Variants in PLEKHS1 observed in about 807,000 individuals in gnomAD.
PLEKHS1 encodes the protein pleckstrin homology domain-containing family S member 1.
Under a neutral mutation model 51.0 loss-of-function variants are expected in PLEKHS1, and 55 were observed. The ratio of observed to expected loss-of-function variants is 1.08; its 90% CI spans 0.87 to 1.35. The LOEUF (loss-of-function observed/expected upper bound fraction) is 1.35, where lower values mean the gene tolerates loss of function less well. PLEKHS1 is among the 40% of genes most tolerant of loss of function. PLEKHS1 has a pLI of 0.00. For synonymous variants in PLEKHS1, 153 were observed against 144.8 expected, an observed-to-expected ratio of 1.06 and a Z score of -0.41; for missense variants, 398 against 423.0, an observed-to-expected ratio of 0.94 and a Z score of 0.52.
exon 10 of PLEKHS1, chr10:113,774,958 C>T (rs1564826823): frequency 5.0e-6 from 8 of 1,614,038 alleles, no homozygotes; most frequent in Non-Finnish European, 6.8e-6. Flanking sequence ...TTTCCCCTGC[C>T]GATGTGGAAG....
chr10:113,774,328 A>G, exon 9 of PLEKHS1: 2 of 1,563,642 alleles, frequency 1.3e-6, no homozygotes, highest in Non-Finnish European at 1.7e-6. Context: ...AGCCAATGGA[A>G]TCCTAGTAAG....
chr10:113,773,224 G>T (rs905219990), intron 8 of PLEKHS1, among the ~76,000 whole-genome samples: 1 of 152,154 alleles, frequency 6.6e-6, no homozygotes, highest in Admixed American at 6.5e-5. Context: ...ACAACACATG[G>T]CATTTCCCAA....
intron 5 of PLEKHS1, 39 bp downstream of exon 5, chr10:113,767,518 C>A: frequency 1.3e-6 from 2 of 1,561,458 alleles, no homozygotes; most frequent in Admixed American, 2.0e-5. Context: ...CTACTGCATG[C>A]AAAACAAAAA....
intron 1 of PLEKHS1, among the ~76,000 whole-genome samples, chr10:113,753,965 G>A (rs149822622): frequency 0.013 from 1,967 of 151,908 alleles, 23 homozygotes; most frequent in Non-Finnish European, 0.016. Flanking sequence ...CCGCCACCAC[G>A]CTCGGCCAAT....
intron 7 of PLEKHS1, among the ~76,000 whole-genome samples, chr10:113,770,962 A>G (rs1344854503): frequency 6.6e-6 from 1 of 152,204 alleles, no homozygotes; most frequent in East Asian, 1.9e-4. Context: ...ATGAGCTTGG[A>G]ACTTAAAACA....
exon 12 of PLEKHS1, chr10:113,781,760 T>G (rs1363936543): frequency 8.8e-6 from 1 of 113,742 alleles, no homozygotes; most frequent in Non-Finnish European, 1.9e-5. Flanking sequence ...AACACCTCCT[T>G]CCCAACACCT....
At chr10:113,753,419 T>C (rs1161398054) in intron 1 of PLEKHS1, among the ~76,000 whole-genome samples, 1 of 152,198 alleles carries the variant, frequency 6.6e-6, no homozygotes, top group African/African-American at 2.4e-5. Flanking sequence ...TACGTTCTCT[T>C]TCTCACACAG....
chr10:113,756,975 G>A (rs1454861282), intron 2 of PLEKHS1, among the ~76,000 whole-genome samples: 1 of 140,794 alleles, frequency 7.1e-6, no homozygotes, highest in Non-Finnish European at 1.5e-5. Context: ...GGAGTGCAGT[G>A]GTGCGATCTC....
chr10:113,781,594 T>G (rs1212341161), exon 12 of PLEKHS1: 1 of 36,346 alleles, frequency 2.8e-5, no homozygotes, highest in Admixed American at 2.9e-4. Context: ...CCCAAACACC[T>G]CCTTCCCAAC....
downstream of PLEKHS1, chr10:113,782,944 T>TA (rs372626206): frequency 6.6e-6 from 1 of 152,082 alleles, no homozygotes; most frequent in African/African-American, 2.4e-5. Context: ...TTTGTAATAA[T>TA]AAAAAATCAG....
chr10:113,755,913 G>A (rs540572260), intron 2 of PLEKHS1, among the ~76,000 whole-genome samples: 1 of 152,348 alleles, frequency 6.6e-6, no homozygotes, highest in Admixed American at 6.5e-5. Flanking sequence ...AAAGACTGGA[G>A]AACATTTTCT....
Position 113,777,121 on chromosome 10 carries a change from C to T in PLEKHS1, c.1091+1255C>T, listed in dbSNP as rs1418885987. ...GGTATTGGATGTTGTATTCCCACTGCAGTGTGTCTCAGTGGGAAGGCCCCC... is the reference window on the plus strand; with the variant it reads ...GGTATTGGATGTTGTATTCCCACTGTAGTGTGTCTCAGTGGGAAGGCCCCC... On this transcript the variant is annotated intron_variant, in intron 11 of 11. Transcript: ENST00000361048. 1.2e-6 allele frequency: 2 copies of T among 1,612,252 alleles called. No homozygotes were observed. Among genetic ancestry groups the T allele is most frequent in the Admixed American group, 1.7e-5 (1 of 59,964 alleles).
intron 2 of PLEKHS1, among the ~76,000 whole-genome samples, chr10:113,764,457 A>C (rs1436644960): frequency 6.6e-6 from 1 of 152,070 alleles, no homozygotes; most frequent in East Asian, 1.9e-4. Flanking sequence ...AGAAATCAAT[A>C]TCTCTGTTTC....
At position 113,774,710 on chromosome 10, in the gene PLEKHS1, C is replaced by T. The variant is rs191758175; in HGVS notation, c.780-116C>T. On this transcript the variant is annotated intron_variant, in intron 9 of 11. Transcript: ENST00000361048. ...GCTGTGATTCTGATAGTTGGACATACGTCAAGACCTTGCTAGTCTTCACAT... is the reference window on the plus strand; with the variant it reads ...GCTGTGATTCTGATAGTTGGACATATGTCAAGACCTTGCTAGTCTTCACAT... 6.1e-4 allele frequency: 527 copies of T among 862,196 alleles called. 2 individuals are homozygous for T. The highest frequency in any genetic ancestry group is 1.7e-3 in the Middle Eastern group (5 of 2,862). The allele number at this position is 862,196 out of a possible 1,614,324, so 53.4% of individuals were successfully genotyped here. A position where few individuals can be genotyped will look rare whatever the true frequency, so the allele number is the denominator to read the frequency against.
At position 113,772,094 on chromosome 10, in the gene PLEKHS1, C is replaced by A. The variant is rs1382517602; in HGVS notation, c.672+5C>A. Reference sequence around the variant, plus strand: ...CCTCGAAGTGTTCTTTTAGAGGTAACCCCTTCTTGTCCATTCATCATTTGT... The same window carrying A: ...CCTCGAAGTGTTCTTTTAGAGGTAAACCCTTCTTGTCCATTCATCATTTGT... On this transcript the variant is annotated splice_donor_5th_base_variant and intron_variant, in intron 8 of 11. Coordinates refer to ENST00000361048, the Ensembl canonical transcript of PLEKHS1. 7.4e-6 allele frequency: 12 copies of A among 1,610,842 alleles called. No individual in the cohort carries two copies. The highest frequency in any genetic ancestry group is 1.7e-5 in the Admixed American group (1 of 58,946).
exon 4 of PLEKHS1, chr10:113,766,655 A>G: frequency 6.2e-7 from 1 of 1,613,108 alleles, no homozygotes; most frequent in African/African-American, 1.3e-5. Flanking sequence ...AAGGCTGGGG[A>G]AAAGAGCTTT....
chr10:113,762,365 C>CTTTTTTTTTTTTTTTTTTTTTT (rs34457408), intron 2 of PLEKHS1, among the ~76,000 whole-genome samples: 80 of 61,796 alleles, frequency 1.3e-3, no homozygotes, highest in East Asian at 2.5e-3. Context: ...AGATTTGTTC[C>CTTTTTTTTTTTTTTTTTTTTTT]TTTTTTTTTT....
exon 5 of PLEKHS1, chr10:113,767,399 G>T: frequency 6.2e-7 from 1 of 1,612,888 alleles, no homozygotes; most frequent in Non-Finnish European, 8.5e-7. Flanking sequence ...AATCTGTGCA[G>T]AAGATGTTTA....
intron 11 of PLEKHS1, among the ~76,000 whole-genome samples, chr10:113,779,447 G>C (rs957158431): frequency 6.6e-6 from 1 of 152,126 alleles, no homozygotes; most frequent in Admixed American, 6.5e-5. Flanking sequence ...GCGGGTGCCT[G>C]TTATCCCAGC....
Sources: allele counts gnomAD v4.1 joint callset (sites outside exome capture counted in the v4.1 genomes callset), GRCh38; gene constraint gnomAD v4.1.1; transcripts MANE v1.5; gene names NCBI Gene and HGNC (gene_info 2026-07-23, HGNC 2026-07-21).